Variants in ZNF239 observed in about 807,000 individuals in gnomAD.
ZNF239 encodes zinc finger protein (C2H2) homologous to mouse MOK-2.
ZNF239 carries 16 observed loss-of-function variants against 27.5 expected under a neutral mutation model. That is an observed-to-expected ratio of 0.58 (90% confidence interval 0.39 to 0.88). The LOEUF is 0.88. Ranked by LOEUF, ZNF239 falls within the 40% of genes least tolerant of loss-of-function variation. The probability of loss-of-function intolerance (pLI) is 0.00; values close to 1 mark genes in which losing one functional copy is unlikely to be tolerated. For synonymous variants in ZNF239, 199 were observed against 192.6 expected (o/e 1.03, Z -0.27); for missense variants, 527 against 551.9 (o/e 0.95, Z 0.45).
At chr10:43,560,513 C>CTAGCCCT (rs78633669) in intron 3 of ZNF239, among the ~76,000 whole-genome samples, 11,464 of 152,018 alleles carry the variant, frequency 0.075, 1,003 homozygotes, top group East Asian at 0.43. Flanking sequence ...AGGCTCAGCC[C>CTAGCCCT]TAGCCCTTAG....
In ZNF239 at chr10:43,556,896, CTG is replaced by C. The variant is rs770789292; in HGVS notation, c.1182_1183del (p.Arg395SerfsTer18). 6.2e-7 allele frequency: 1 copy of C among 1,613,412 alleles called. No individual in the cohort carries two copies. Among genetic ancestry groups the C allele is most frequent in the Non-Finnish European group, 8.5e-7 (1 of 1,179,862 alleles). On this transcript the variant is annotated frameshift_variant, in exon 4 of 4. Coordinates refer to ENST00000374446, the MANE Select transcript of ZNF239 (RefSeq NM_001099282.2). LOFTEE classifies it high-confidence loss of function. The stretch of plus-strand genomic sequence containing the variant: ...ATAGGGCTTCTCTCCAGTGTGGACT[CTG>C]AGATGGATGCGAAGATCCGAGCTCT...
chr10:43,559,697 TC>T (rs1675454794), intron 3 of ZNF239, among the ~76,000 whole-genome samples: 1 of 151,702 alleles, frequency 6.6e-6, no homozygotes, highest in African/African-American at 2.4e-5. Flanking sequence ...AACAAAACCC[TC>T]CCCGAGACTT....
At position 43,557,534 on chromosome 10, in the gene ZNF239, A is replaced by AT; in HGVS notation, c.545dup (p.Asn182LysfsTer2). 1 of 1,614,162 alleles carries AT rather than the reference A, an allele frequency of 6.2e-7. No homozygotes were observed. The highest frequency in any genetic ancestry group is 8.5e-7 in the Non-Finnish European group (1 of 1,180,028). ...TGGTGTTAAGTATTTTCCCACAGTTATTATGGTCACAGGGTTTCTCCTCTG... is the reference window on the plus strand; with the variant it reads ...TGGTGTTAAGTATTTTCCCACAGTTATTTATGGTCACAGGGTTTCTCCTCTG... On this transcript the variant is annotated frameshift_variant, in exon 4 of 4. Coordinates refer to ENST00000374446, the MANE Select transcript of ZNF239 (RefSeq NM_001099282.2). LOFTEE classifies it high-confidence loss of function.
At position 43,557,333 on chromosome 10, in the gene ZNF239, A is replaced by T; in HGVS notation, c.747T>A (p.Ser249Arg). The T allele has an allele frequency of 6.2e-7, 1 of 1,612,566 alleles. No individual in the cohort carries two copies. Among genetic ancestry groups the T allele is most frequent in the Non-Finnish European group, 8.5e-7 (1 of 1,179,552 alleles). The change falls in exon 4 of 4, where the codon AGT becomes AGA. Residue 249 changes from serine to arginine, a missense_variant. Transcript: ENST00000374446. ...TGTGGACTGCCTGATGGATAAGCAG[A>T]CTCGAGCTCCTTGTGAAGCCCTTCC... ...QCGKGFTRSS[S>R]LLIHQAVHTD... is the part of the protein sequence containing the mutation.
At chr10:43,573,957 C>A (rs1488444344) in intron 1 of ZNF239, among the ~76,000 whole-genome samples, 1 of 152,196 alleles carries the variant, frequency 6.6e-6, no homozygotes, top group Non-Finnish European at 1.5e-5. Context: ...CTCTGACTTT[C>A]CCGATCTCTG....
chr10:43,567,883 A>G lies in ZNF239; in HGVS notation c.-93+16T>C. Reference sequence around the variant, plus strand: ...AGCCAATGGGCAGGTGTCCAAGTTCACATGTCCTTACCCACCAAGACCAAG... The same window carrying G: ...AGCCAATGGGCAGGTGTCCAAGTTCGCATGTCCTTACCCACCAAGACCAAG... On this transcript the variant is annotated intron_variant, in intron 3 of 3. Coordinates refer to ENST00000374446, the MANE Select transcript of ZNF239 (RefSeq NM_001099282.2). 1 of 985,442 alleles carries G rather than the reference A, an allele frequency of 1.0e-6. No individual in the cohort carries two copies. Among genetic ancestry groups the G allele is most frequent in the Non-Finnish European group, 1.2e-6 (1 of 829,650 alleles). 61.0% of individuals were successfully genotyped at this position (985,442 alleles called of 1,614,324 possible).
chr10:43,564,306 T>G (rs1378827447), intron 3 of ZNF239: 23 of 983,580 alleles, frequency 2.3e-5, no homozygotes, highest in Non-Finnish European at 2.8e-5. Context: ...CTCCAAAGAA[T>G]GACATCATAA....
chr10:43,569,029 C>T (rs1480376742), intron 2 of ZNF239, among the ~76,000 whole-genome samples: 3 of 152,104 alleles, frequency 2.0e-5, no homozygotes, highest in Non-Finnish European at 2.9e-5. Flanking sequence ...AAACAAAACA[C>T]TTAACAGGCC....
At chr10:43,558,206 A>AG in intron 3 of ZNF239, 35 bp from the exon 4 acceptor site, 1 of 1,451,670 alleles carries the variant, frequency 6.9e-7, no homozygotes. Flanking sequence ...GTAAGAACAA[A>AG]GGGTAGACTT....
chr10:43,558,989 T>C (rs965511481), intron 3 of ZNF239, among the ~76,000 whole-genome samples: 5 of 152,044 alleles, frequency 3.3e-5, no homozygotes, highest in African/African-American at 1.2e-4. Flanking sequence ...ACTCAGACCC[T>C]GGTGTTTAGG....
chr10:43,560,950 A>G (rs1289259319), intron 3 of ZNF239, among the ~76,000 whole-genome samples: 1 of 152,230 alleles, frequency 6.6e-6, no homozygotes, highest in Non-Finnish European at 1.5e-5. Flanking sequence ...ATGAAAAATA[A>G]TAATTCTAAA....
chr10:43,568,658 C>A (rs1480325955), intron 2 of ZNF239, among the ~76,000 whole-genome samples: 2 of 152,172 alleles, frequency 1.3e-5, no homozygotes, highest in African/African-American at 4.8e-5. Context: ...CCATTCACTG[C>A]CAAATATTTA....
chr10:43,558,979 A>G (rs1018018805), intron 3 of ZNF239, among the ~76,000 whole-genome samples: 12 of 152,206 alleles, frequency 7.9e-5, no homozygotes, highest in African/African-American at 2.9e-4. Context: ...GGAACACTCA[A>G]CTCAGACCCT....
At chr10:43,567,864 T>C (rs963155950) in intron 3 of ZNF239, 35 bp downstream of exon 3, 3 of 969,774 alleles carry the variant, frequency 3.1e-6, no homozygotes, top group Non-Finnish European at 3.7e-6. Context: ...AAGAAGCCAA[T>C]GGGCAGGTGT....
rs554503485 is a variant in ZNF239, at chr10:43,557,221, C to T, written c.859G>A (p.Gly287Ser). Residue 287 changes from glycine to serine, a missense_variant, in exon 4 of 4, where the codon GGC (glycine) becomes AGC (serine). Physicochemically the swap from Gly to Ser is moderately conservative, Grantham distance 56. Coordinates refer to ENST00000374446, the MANE Select transcript of ZNF239 (RefSeq NM_001099282.2). ...TTGTCACATTTATAAGGTTTTTCGCCTGTATGGACGGCATGATGGATGAGC... is the reference window on the plus strand; with the variant it reads ...TTGTCACATTTATAAGGTTTTTCGCTTGTATGGACGGCATGATGGATGAGC... ...SLLIHHAVHT[G>S]EKPYKCDKCG... is the part of the protein sequence containing the mutation. 1.2e-6 allele frequency: 2 copies of T among 1,613,956 alleles called. No individual in the cohort carries two copies. Among genetic ancestry groups the T allele is most frequent in the African/African-American group, 2.7e-5 (2 of 74,978 alleles).
chr10:43,564,072 C>T, intron 3 of ZNF239: 1 of 153,658 alleles, frequency 6.5e-6, no homozygotes, highest in Non-Finnish European at 1.4e-5. Flanking sequence ...GTCTACCACA[C>T]TCCTCCTTCC....
chr10:43,571,164 T>C (rs1030898756), intron 2 of ZNF239, among the ~76,000 whole-genome samples: 1 of 151,628 alleles, frequency 6.6e-6, no homozygotes, highest in Non-Finnish European at 1.5e-5. Flanking sequence ...CAAGTTCAAT[T>C]GTTTCCTGTT....
intron 3 of ZNF239, among the ~76,000 whole-genome samples, chr10:43,565,817 GAAAAAAAAAAAAA>G (rs36039838): frequency 8.9e-5 from 6 of 67,146 alleles, no homozygotes; most frequent in East Asian, 1.1e-3. Flanking sequence ...TCCATCTCAA[GAAAAAAAAAAAAA>G]AAAAAAAAAA....
At position 43,558,013 on chromosome 10, in the gene ZNF239, G is replaced by C. The variant is rs372027642; in HGVS notation, c.67C>G (p.Pro23Ala). 11 of 1,613,992 alleles carry C rather than the reference G, an allele frequency of 6.8e-6. No individual in the cohort carries two copies. The African/African-American group carries it at 1.3e-4, about 20-fold the overall frequency. Residue 23 changes from proline to alanine, a missense_variant, in exon 4 of 4, where the codon CCT (proline) becomes GCT (alanine). Physicochemically the swap from Pro to Ala is conservative, Grantham distance 27. Coordinates refer to ENST00000374446, the MANE Select transcript of ZNF239 (RefSeq NM_001099282.2). Reference protein sequence around the residue: ...VNHRGEVDGEPELDISPCQQW... With the variant: ...VNHRGEVDGEAELDISPCQQW... ...TGACAAGGGGAAATATCTAGTTCAG[G>C]CTCCCCATCCACTTCCCCTCGATGA...
Sources: allele counts gnomAD v4.1 joint callset (sites outside exome capture counted in the v4.1 genomes callset), GRCh38; gene constraint gnomAD v4.1.1; transcripts MANE v1.5; gene names NCBI Gene and HGNC (gene_info 2026-07-23, HGNC 2026-07-21).